PEG3: variants seen among roughly 807,000 people sequenced by gnomAD.
PEG3 encodes paternally-expressed gene 3 protein.
A neutral mutation model predicts 35.5 loss-of-function variants in PEG3; 23 were observed. The observed-to-expected ratio is 0.65, with a 90% CI of 0.47 to 0.92. PEG3 has a LOEUF of 0.92. PEG3 is among the 40% of genes least tolerant of loss of function. The pLI, the probability that PEG3 is intolerant of heterozygous loss-of-function variation, is 0.00. For missense variants in PEG3, 1,960 were observed against 1,985.3 expected, an observed-to-expected ratio of 0.99 and a Z score of 0.24; for synonymous variants, 707 against 697.0, an observed-to-expected ratio of 1.01 and a Z score of -0.23.
At chr19:56,839,642 T>C (rs907296131) in intron 1 of PEG3, among the ~76,000 whole-genome samples, 1 of 150,650 alleles carries the variant, frequency 6.6e-6, no homozygotes, top group Non-Finnish European at 1.5e-5. Flanking sequence ...CAGCGCCTAC[T>C]CGGCAAACCT....
chr19:56,811,006 C>G lies in PEG3; in HGVS notation c.*2669G>C, dbSNP rs1250564597. The G allele has an allele frequency of 1.0e-6, 1 of 974,256 alleles. No homozygotes were observed. Among genetic ancestry groups the G allele is most frequent in the African/African-American group, 1.8e-5 (1 of 57,006 alleles). The allele number at this position is 974,256 out of a possible 1,614,324, so 60.4% of individuals were successfully genotyped here. A position where few individuals can be genotyped will look rare whatever the true frequency, so the allele number is the denominator to read the frequency against. ...TAATGTAACAGCTATTTTGAATATA[C>G]ATTTTGACACAGTTATAATCATAAA... On this transcript the variant is annotated 3_prime_UTR_variant, in exon 10 of 10. Coordinates refer to ENST00000326441, the MANE Select transcript of PEG3 (RefSeq NM_006210.3).
In PEG3 at chr19:56,824,564, G is replaced by T; in HGVS notation, c.92C>A (p.Pro31Gln). Residue 31 changes from proline to glutamine, a missense_variant, in exon 4 of 10, where the codon CCG becomes CAG. Physicochemically the swap from Pro to Gln is moderately conservative, Grantham distance 76. Coordinates refer to ENST00000326441, the MANE Select transcript of PEG3 (RefSeq NM_006210.3). ...TGGACCTTCTCCTATGATGACATCC[G>T]GCTCCTTAGTCAAGTCACTGTCTAG... ...YELDSDLTKEPDVIIGEGPTD... is the reference protein window; with the variant it reads ...YELDSDLTKEQDVIIGEGPTD... 1.9e-6 allele frequency: 3 copies of T among 1,614,128 alleles called. No homozygotes were observed. The highest frequency in any genetic ancestry group is 1.7e-5 in the Admixed American group (1 of 60,018).
chr19:56,813,898 G>A lies in PEG3; in HGVS notation c.4544C>T (p.Thr1515Ile), dbSNP rs375169573. 20 of 1,614,208 alleles carry A rather than the reference G, an allele frequency of 1.2e-5. No individual in the cohort carries two copies. The highest frequency in any genetic ancestry group is 1.7e-5 in the Non-Finnish European group (20 of 1,180,026). Residue 1515 changes from threonine to isoleucine, a missense_variant, in exon 10 of 10, where the codon ACT becomes ATT. Transcript: ENST00000326441. ...GTGTTCACTGAATGCTGTGCTGGAA[G>A]TGAAGGTTTCTGTGCATTCATGGCA... ...YDCHECTETF[T>I]SSTAFSEHLK...
intron 6 of PEG3, 125 bp downstream of exon 6, chr19:56,822,628 T>C (rs2060610152): frequency 1.5e-6 from 2 of 1,349,384 alleles, no homozygotes; most frequent in South Asian, 2.8e-5. Context: ...ACTAAACTTT[T>C]GGGGAAGCGG....
rs1046853876 is a variant in PEG3 at position 56,811,056 on chromosome 19, CAAGAT to C, written c.*2614_*2618del. 53 of 976,882 alleles carry C rather than the reference CAAGAT, an allele frequency of 5.4e-5. No individual in the cohort carries two copies. Among genetic ancestry groups the C allele is most frequent in the East Asian group, 2.3e-4 (2 of 8,706 alleles). The allele number at this position is 976,882 out of a possible 1,614,324, so 60.5% of individuals were successfully genotyped here. A position where few individuals can be genotyped will look rare whatever the true frequency, so the allele number is the denominator to read the frequency against. On this transcript the variant is annotated 3_prime_UTR_variant, in exon 10 of 10. Transcript: ENST00000326441. ...ACCTGTGCACAGAAACAAGAATGAA[CAAGAT>C]AAGAGGAGAGTATATGTCTTTGGAT...
chr19:56,830,166 T>C (rs2061443497), intron 2 of PEG3, among the ~76,000 whole-genome samples: 1 of 152,242 alleles, frequency 6.6e-6, no homozygotes, highest in Non-Finnish European at 1.5e-5. Context: ...AAAGACTCTG[T>C]TACCTTTTTC....
chr19:56,817,146 G>A lies in PEG3; in HGVS notation c.1296C>T (p.Ser432=), dbSNP rs758530271. The change falls in exon 10 of 10, where the codon AGC becomes AGT. Residue 432 remains serine (S), a synonymous_variant. Coordinates refer to ENST00000326441, the MANE Select transcript of PEG3 (RefSeq NM_006210.3). ...MRKAMSVSSL[S]SLSSPSFTES... The stretch of plus-strand genomic sequence containing the variant: ...CGGTAAAGGAGGGGGAGCTGAGGCT[G>A]CTCAGGCTGCTCACGCTCATGGCTT... 1.4e-5 allele frequency: 22 copies of A among 1,614,056 alleles called. No individual in the cohort carries two copies. Among genetic ancestry groups the A allele is most frequent in the Non-Finnish European group, 1.7e-5 (20 of 1,179,994 alleles).
intron 6 of PEG3, 54 bp from the exon 7 acceptor site, chr19:56,821,808 C>T (rs949635621): frequency 7.4e-5 from 119 of 1,597,816 alleles, no homozygotes; most frequent in Admixed American, 1.7e-5. Context: ...TCCTGCAGGT[C>T]CCAGGTTTGT....
rs1433334300 is a variant in PEG3, at chr19:56,836,738, G to GTGA, written c.-249-635_-249-634insTCA. On this transcript the variant is annotated intron_variant, in intron 1 of 9. Coordinates refer to ENST00000326441, the MANE Select transcript of PEG3 (RefSeq NM_006210.3). ...AATCCCAGCACTTTGGGAGGCCAAG[G>GTGA]CGGGCAGATCACCTGAGGTCAGGAG... 3.3e-5 allele frequency among the ~76,000 whole-genome samples: 5 copies of GTGA among 152,186 alleles called. 1 individual carries two copies. The highest frequency in any genetic ancestry group is 2.0e-4 in the Admixed American group (3 of 15,280).
intron 8 of PEG3, among the ~76,000 whole-genome samples, chr19:56,818,386 C>G (rs931851572): frequency 1.3e-5 from 2 of 152,154 alleles, no homozygotes; most frequent in African/African-American, 4.8e-5. Context: ...TTGTCCCCAC[C>G]CTGTACAATG....
chr19:56,820,103 G>A (rs369470226), intron 7 of PEG3, among the ~76,000 whole-genome samples: 28 of 152,162 alleles, frequency 1.8e-4, no homozygotes, highest in African/African-American at 5.6e-4. Flanking sequence ...TTGGTTGTTC[G>A]CTTTGTGTTT....
intron 3 of PEG3, among the ~76,000 whole-genome samples, chr19:56,825,739 C>T (rs1219197054): frequency 2.0e-5 from 3 of 152,008 alleles, no homozygotes; most frequent in Non-Finnish European, 4.4e-5. Flanking sequence ...GCTTTACTTC[C>T]AGAGAAGAAA....
chr19:56,840,398 G>A (rs1377118386), intron 1 of PEG3, among the ~76,000 whole-genome samples, 184 bp downstream of exon 1: 3 of 152,166 alleles, frequency 2.0e-5, no homozygotes, highest in East Asian at 3.9e-4. Context: ...CCGCCACTGT[G>A]CCCACTCTCG....
chr19:56,821,088 T>C (rs1266780276), intron 7 of PEG3, among the ~76,000 whole-genome samples: 1 of 152,246 alleles, frequency 6.6e-6, no homozygotes, highest in Non-Finnish European at 1.5e-5. Context: ...CATTTAACGG[T>C]GTGCCTACCA....
In PEG3 at chr19:56,823,683, A is replaced by C. The variant is rs73935923; in HGVS notation, c.395-4T>G. On this transcript the variant is annotated splice_region_variant and splice_polypyrimidine_tract_variant and intron_variant, in intron 4 of 9. Coordinates refer to ENST00000326441, the MANE Select transcript of PEG3 (RefSeq NM_006210.3). The stretch of plus-strand genomic sequence containing the variant: ...GTCACGTCACTGTTGTTGTCGTCTA[A>C]GAGGACACCGGTCGCCAAGTTACTA... 4,000 of 1,614,158 alleles carry C rather than the reference A, an allele frequency of 2.5e-3. 105 individuals carry two copies. The African/African-American group carries it at 0.048, about 19-fold the overall frequency.
rs1216979385 is a variant in PEG3 at position 56,813,910 on chromosome 19, G to A, written c.4532C>T (p.Thr1511Ile). ...TGCTGTGCTGGAAGTGAAGGTTTCT[G>A]TGCATTCATGGCAGTCATAGTATGG... ...EEPYYDCHEC[T>I]ETFTSSTAFS... Residue 1511 changes from threonine (T) to isoleucine (I), a missense_variant, in exon 10 of 10, where the codon ACA (threonine) becomes ATA (isoleucine). Transcript: ENST00000326441. 6 of 1,614,060 alleles carry A rather than the reference G, an allele frequency of 3.7e-6. No homozygotes were observed. The highest frequency in any genetic ancestry group is 5.1e-6 in the Non-Finnish European group (6 of 1,180,028).
rs751139519 is a variant in PEG3 at position 56,814,789 on chromosome 19, G to A, written c.3653C>T (p.Pro1218Leu). The A allele has an allele frequency of 6.2e-7, 1 of 1,614,162 alleles. No homozygotes were observed. The highest frequency in any genetic ancestry group is 2.2e-5 in the East Asian group (1 of 44,878). Residue 1218 changes from proline to leucine, a missense_variant, in exon 10 of 10, where the codon CCT becomes CTT. Coordinates refer to ENST00000326441, the MANE Select transcript of PEG3 (RefSeq NM_006210.3). This position sits in a 1 kb window ranked among gnomAD's most constrained non-coding sequence, Gnocchi z 5.8. The stretch of plus-strand genomic sequence containing the variant: ...TCGAATGGCCGACCCAGCAAGAGCA[G>A]GATTCCTCTCTGCAGCACGATTCCT... The part of the protein sequence containing the change: ...PRRNRAAERN[P>L]ALAGSAIRCL...
At position 56,817,089 on chromosome 19, in the gene PEG3, T is replaced by G. The variant is rs756006110; in HGVS notation, c.1353A>C (p.Pro451=). The change falls in exon 10 of 10, where the codon CCA becomes CCC. Residue 451 remains proline (P), a synonymous_variant. Coordinates refer to ENST00000326441, the MANE Select transcript of PEG3 (RefSeq NM_006210.3). ...ESQPIDFGAM[P]YVCDECGRSF... is the part of the protein sequence containing the mutation. The stretch of plus-strand genomic sequence containing the variant: ...ACCTCCCACACTCATCACATACATA[T>G]GGCATTGCCCCAAAATCAATTGGCT... 1 of 1,614,106 alleles carries G rather than the reference T, an allele frequency of 6.2e-7. No individual in the cohort carries two copies. Among genetic ancestry groups the G allele is most frequent in the Non-Finnish European group, 8.5e-7 (1 of 1,180,002 alleles).
intron 6 of PEG3, chr19:56,822,391 A>C: frequency 4.8e-6 from 1 of 209,870 alleles, no homozygotes; most frequent in Non-Finnish European, 9.5e-6. Flanking sequence ...ATTCCTAGTT[A>C]ACAATATTGT....
Sources: allele counts gnomAD v4.1 joint callset (sites outside exome capture counted in the v4.1 genomes callset), GRCh38; gene constraint gnomAD v4.1.1; non-coding constraint Gnocchi (gnomAD v3.1); transcripts MANE v1.5; gene names NCBI Gene and HGNC (gene_info 2026-07-23, HGNC 2026-07-21).